PRKN: variants seen among roughly 807,000 people sequenced by gnomAD.
PRKN encodes parkin RBR E3 ubiquitin protein ligase, also known as E3 ubiquitin-protein ligase parkin.
PRKN carries 56 observed loss-of-function variants against 59.5 expected under a neutral mutation model. The ratio of observed to expected loss-of-function variants is 0.94; its 90% CI spans 0.76 to 1.18. PRKN has a LOEUF of 1.18. Among genes scored for constraint, PRKN ranks in the 50% most tolerant of loss-of-function variants. The probability of loss-of-function intolerance (pLI) is 0.00; values close to 1 mark genes in which losing one functional copy is unlikely to be tolerated. For missense variants in PRKN, 657 were observed against 596.4 expected, an observed-to-expected ratio of 1.10 and a Z score of -1.06; for synonymous variants, 250 against 222.1, an observed-to-expected ratio of 1.13 and a Z score of -1.12.
At chr6:162,047,876 A>G (rs1196597773) in intron 5 of PRKN, among the ~76,000 whole-genome samples, 1 of 148,952 alleles carries the variant, frequency 6.7e-6, no homozygotes, top group African/African-American at 2.6e-5. Context: ...CTAACGTTCC[A>G]GTTGGCATAT....
intron 1 of PRKN, among the ~76,000 whole-genome samples, chr6:162,586,159 G>T (rs1342950053): frequency 6.6e-6 from 1 of 152,118 alleles, no homozygotes; most frequent in Non-Finnish European, 1.5e-5. Flanking sequence ...GACCCTATGT[G>T]CTGGGTAATA....
intron 2 of PRKN, among the ~76,000 whole-genome samples, chr6:162,327,272 T>G (rs1244369224): frequency 6.6e-6 from 1 of 152,222 alleles, no homozygotes; most frequent in Non-Finnish European, 1.5e-5. Flanking sequence ...CACTCAGTAT[T>G]ACTTATCGTG....
At chr6:161,500,450 C>T (rs1448059698) in intron 9 of PRKN, among the ~76,000 whole-genome samples, 2 of 152,180 alleles carry the variant, frequency 1.3e-5, no homozygotes, top group Admixed American at 6.5e-5. Context: ...CCTCAGTGCT[C>T]CACATACTCA....
intron 6 of PRKN, among the ~76,000 whole-genome samples, chr6:161,957,409 G>GTTTTTTT (rs1203607451): frequency 3.1e-5 from 4 of 127,394 alleles, no homozygotes; most frequent in African/African-American, 1.2e-4. Context: ...TGTTCTTGTT[G>GTTTTTTT]TTTTTTTTTT....
chr6:162,386,551 C>T (rs932649316), intron 2 of PRKN, among the ~76,000 whole-genome samples: 1 of 152,196 alleles, frequency 6.6e-6, no homozygotes, highest in African/African-American at 2.4e-5. Flanking sequence ...TAAGGCTGAG[C>T]TTGGTGTTCC....
Position 161,860,978 on chromosome 6 carries a change from G to T in PRKN, c.735-75070C>A, listed in dbSNP as rs530712596. Among the ~76,000 whole-genome samples the T allele has an allele frequency of 9.2e-5, 14 of 152,312 alleles. No individual in the cohort carries two copies. In the East Asian group the frequency reaches 2.7e-3, roughly 29 times the overall value. ...GAAAAAGGAATGCTCTTACACTGTT[G>T]GTGGGAGTGTAAATTAGTTCAGCCA... On this transcript the variant is annotated intron_variant, in intron 6 of 11. Transcript: ENST00000366898.
intron 2 of PRKN, among the ~76,000 whole-genome samples, chr6:162,394,394 G>A (rs991550354): frequency 2.0e-5 from 3 of 152,134 alleles, no homozygotes; most frequent in Non-Finnish European, 4.4e-5. Context: ...TTATCATGGC[G>A]TTCCTACCAA....
chr6:162,630,462 T>C (rs1021183524), intron 1 of PRKN, among the ~76,000 whole-genome samples: 1 of 152,122 alleles, frequency 6.6e-6, no homozygotes, highest in Non-Finnish European at 1.5e-5. Flanking sequence ...GACATTAACA[T>C]CAATCGTTGA....
chr6:162,209,856 G>T (rs968084965), intron 3 of PRKN, among the ~76,000 whole-genome samples: 2 of 151,298 alleles, frequency 1.3e-5, no homozygotes, highest in African/African-American at 4.9e-5. Context: ...CTATCACAAG[G>T]ACAGAAAACC....
chr6:162,611,394 A>G (rs969537050), intron 1 of PRKN, among the ~76,000 whole-genome samples: 5 of 152,242 alleles, frequency 3.3e-5, no homozygotes, highest in East Asian at 1.9e-4. Flanking sequence ...GAGTTTCGAA[A>G]AACAACATAC....
chr6:162,359,280 C>T (rs2128133414), intron 2 of PRKN, among the ~76,000 whole-genome samples: 1 of 151,628 alleles, frequency 6.6e-6, no homozygotes, highest in East Asian at 1.9e-4. Context: ...TTTGGTTTGT[C>T]AAGGACATTC....
intron 2 of PRKN, among the ~76,000 whole-genome samples, chr6:162,323,983 A>G (rs895381008): frequency 1.3e-5 from 2 of 152,116 alleles, no homozygotes; most frequent in African/African-American, 4.8e-5. Flanking sequence ...AAAATGTGAT[A>G]AAAACAAATG....
intron 1 of PRKN, among the ~76,000 whole-genome samples, chr6:162,602,906 G>A (rs1207398870): frequency 2.0e-5 from 3 of 152,092 alleles, no homozygotes; most frequent in Admixed American, 1.3e-4. Flanking sequence ...AAAGTAAGAG[G>A]CTGCAGGACG....
chr6:161,724,125 C>A (rs772531918), intron 7 of PRKN, among the ~76,000 whole-genome samples: 4 of 152,202 alleles, frequency 2.6e-5, no homozygotes, highest in Admixed American at 1.3e-4. Context: ...ATTTAAGGGT[C>A]CCCATCTACT....
At position 161,537,731 on chromosome 6, in the gene PRKN, G is replaced by T. The variant is rs574946006; in HGVS notation, c.1083+11123C>A. Among the ~76,000 whole-genome samples the T allele has an allele frequency of 9.8e-5, 15 of 152,310 alleles. No homozygotes were observed. In the South Asian group the frequency reaches 2.7e-3, roughly 27 times the overall value. On this transcript the variant is annotated intron_variant, in intron 9 of 11. Coordinates refer to ENST00000366898, the MANE Select transcript of PRKN (RefSeq NM_004562.3). ...CTCCCAAAGTGCTGGGATTACAGGCGTGAGCCACTGCGCCCGGCCTCAAAT... is the reference window on the plus strand; with the variant it reads ...CTCCCAAAGTGCTGGGATTACAGGCTTGAGCCACTGCGCCCGGCCTCAAAT...
At chr6:161,610,087 T>G (rs959663755) in intron 7 of PRKN, among the ~76,000 whole-genome samples, 1 of 152,226 alleles carries the variant, frequency 6.6e-6, no homozygotes, top group African/African-American at 2.4e-5. Context: ...AAGATATTAA[T>G]AAATTGTATT....
rs1005849088 is a variant in PRKN, at chr6:161,423,446, C to T, written c.1084-36569G>A. Reference sequence around the variant, plus strand: ...GAATTTTATGGGGGAACCTTCTGCACGTATTCATGCATGAAGAACACACAT... The same window carrying T: ...GAATTTTATGGGGGAACCTTCTGCATGTATTCATGCATGAAGAACACACAT... On this transcript the variant is annotated intron_variant, in intron 9 of 11. Coordinates refer to ENST00000366898, the MANE Select transcript of PRKN (RefSeq NM_004562.3). This position sits in a 1 kb window ranked among gnomAD's most constrained non-coding sequence, Gnocchi z 5.9. 2.0e-5 allele frequency among the ~76,000 whole-genome samples: 3 copies of T among 152,130 alleles called. No individual in the cohort carries two copies. Among genetic ancestry groups the T allele is most frequent in the Admixed American group, 6.5e-5 (1 of 15,268 alleles).
intron 1 of PRKN, among the ~76,000 whole-genome samples, chr6:162,711,477 C>T (rs972701327): frequency 6.6e-5 from 10 of 151,512 alleles, no homozygotes; most frequent in African/African-American, 2.4e-4. Flanking sequence ...TGAACTATTC[C>T]GCTGTGCCGA....
intron 6 of PRKN, among the ~76,000 whole-genome samples, chr6:161,874,697 A>T (rs1251749493): frequency 8.1e-6 from 1 of 123,532 alleles, no homozygotes; most frequent in African/African-American, 3.2e-5. Flanking sequence ...ATATATATAA[A>T]ATATATAATA....
Sources: allele counts gnomAD v4.1 joint callset (sites outside exome capture counted in the v4.1 genomes callset), GRCh38; gene constraint gnomAD v4.1.1; non-coding constraint Gnocchi (gnomAD v3.1); transcripts MANE v1.5; gene names NCBI Gene and HGNC (gene_info 2026-07-23, HGNC 2026-07-21).